The following SLC2A9 variants were observed in gnomAD, a reference collection of about 807,000 sequenced individuals.
The protein encoded by SLC2A9 is solute carrier family 2, facilitated glucose transporter member 9.
In SLC2A9, 39 loss-of-function variants were observed where a neutral mutation model predicts 50.6. The observed-to-expected ratio is 0.77, with a 90% confidence interval of 0.60 to 1.01. The LOEUF (loss-of-function observed/expected upper bound fraction) is 1.01, where lower values mean the gene tolerates loss of function less well. Ranked by LOEUF, SLC2A9 falls within the 50% of genes least tolerant of loss-of-function variation. SLC2A9 has a pLI of 0.00. For missense variants in SLC2A9, 686 were observed against 677.6 expected (o/e 1.01, Z -0.14); for synonymous variants, 324 against 276.9 (o/e 1.17, Z -1.69).
At chr4:9,869,670 C>T (rs775482449) in intron 10 of SLC2A9, among the ~76,000 whole-genome samples, 2 of 152,242 alleles carry the variant, frequency 1.3e-5, no homozygotes, top group Non-Finnish European at 2.9e-5. Context: ...GGTCTGGTGG[C>T]TGTCCTCTGC....
intron 8 of SLC2A9, among the ~76,000 whole-genome samples, chr4:9,904,826 C>G (rs575135297): frequency 6.6e-6 from 1 of 152,284 alleles, no homozygotes; most frequent in East Asian, 1.9e-4. Flanking sequence ...TAGTTTCATG[C>G]CTTTCCAGGA....
At chr4:9,847,631 C>G (rs945567289) in intron 10 of SLC2A9, among the ~76,000 whole-genome samples, 1 of 152,232 alleles carries the variant, frequency 6.6e-6, no homozygotes, top group Non-Finnish European at 1.5e-5. Context: ...AAAGCTGATT[C>G]AACTTCTGCC....
intron 3 of SLC2A9, chr4:9,783,164 T>C: frequency 6.2e-7 from 1 of 1,614,248 alleles, no homozygotes; most frequent in South Asian, 1.1e-5. Context: ...CAGCCACTTC[T>C]GCTCCCGCAC....
chr4:9,879,380 GTA>G lies in SLC2A9; in HGVS notation c.1291+8185_1291+8186del, dbSNP rs959725475. 158 of 974,478 alleles carry G rather than the reference GTA, an allele frequency of 1.6e-4. No individual in the cohort carries two copies. The African/African-American group carries it at 2.7e-3, about 17-fold the overall frequency. 60.4% of individuals were successfully genotyped at this position (974,478 alleles called of 1,614,324 possible). On this transcript the variant is annotated intron_variant, in intron 10 of 11. Transcript: ENST00000264784. ...TGTGTGTGTGTGTGTATTTATGTGT[GTA>G]TGTGTGTGTGTGTGTGTGTTTGTGC...
At chr4:9,832,188 T>C (rs1451836634) in intron 11 of SLC2A9, among the ~76,000 whole-genome samples, 2 of 152,162 alleles carry the variant, frequency 1.3e-5, no homozygotes, top group Non-Finnish European at 2.9e-5. Context: ...GGTTCACGTA[T>C]GGCATCTAGA....
At chr4:9,781,423 C>A (rs575697876) in intron 3 of SLC2A9, among the ~76,000 whole-genome samples, 15 of 152,354 alleles carry the variant, frequency 9.8e-5, no homozygotes, top group African/African-American at 3.4e-4. Flanking sequence ...GCCAAGCACC[C>A]TTCGGTTTTC....
At chr4:9,971,230 A>G (rs1753870430) in intron 5 of SLC2A9, among the ~76,000 whole-genome samples, 1 of 152,172 alleles carries the variant, frequency 6.6e-6, no homozygotes, top group Non-Finnish European at 1.5e-5. Flanking sequence ...TCATTTAATT[A>G]ATTTAATTTA....
chr4:9,857,207 G>C (rs540660092), intron 10 of SLC2A9, among the ~76,000 whole-genome samples: 1 of 152,172 alleles, frequency 6.6e-6, no homozygotes. Context: ...CAGAACCTGG[G>C]TTCCCACTCA....
chr4:9,966,656 TAAAC>T lies in SLC2A9; in HGVS notation c.681+13932_681+13935del, dbSNP rs987701740. Among the ~76,000 whole-genome samples, 22 of 151,938 alleles carry T rather than the reference TAAAC, an allele frequency of 1.4e-4. No homozygotes were observed. In the East Asian group the frequency reaches 2.3e-3, roughly 16 times the overall value. On this transcript the variant is annotated intron_variant, in intron 5 of 11. Coordinates refer to ENST00000264784, the MANE Select transcript of SLC2A9 (RefSeq NM_020041.3). ...GATGGAGTAAGACTGTGTCGCTAAA[TAAAC>T]AAACAAACACTGGAAACAATCCAAA...
At chr4:10,029,587 A>ATAT (rs1158233149) in intron 1 of SLC2A9, among the ~76,000 whole-genome samples, 29 of 133,870 alleles carry the variant, frequency 2.2e-4, no homozygotes, top group East Asian at 1.2e-3. Context: ...TTTTTATTTT[A>ATAT]TTTTATATTA....
Position 9,788,400 on chromosome 4 carries a change from A to G in SLC2A9, n.386-8335T>C, listed in dbSNP as rs140511119. Among the ~76,000 whole-genome samples, 1,016 of 138,860 alleles carry G rather than the reference A, an allele frequency of 7.3e-3. 10 individuals are homozygous for G. Among genetic ancestry groups the G allele is most frequent in the African/African-American group, 0.026 (954 of 36,960 alleles). 91.1% of individuals were successfully genotyped at this position (138,860 alleles called of 152,430 possible). ...GAGACGGGGACTCCCTATGTTGCCC[A>G]GGCTGGTCTCAAGCTCCTGGGCTCA... On this transcript the variant is annotated intron_variant and non_coding_transcript_variant, in intron 3 of 3. Coordinates refer to the SLC2A9 transcript ENST00000503803.
chr4:10,020,709 C>T (rs1763399814), intron 1 of SLC2A9, among the ~76,000 whole-genome samples: 1 of 152,202 alleles, frequency 6.6e-6, no homozygotes, highest in Non-Finnish European at 1.5e-5. Context: ...GTGCTCTGTG[C>T]CTTCTTTGCT....
At chr4:10,030,569 G>C (rs1210889754) in intron 1 of SLC2A9, among the ~76,000 whole-genome samples, 1 of 152,090 alleles carries the variant, frequency 6.6e-6, no homozygotes, top group Non-Finnish European at 1.5e-5. Flanking sequence ...GGCCATTCAA[G>C]TGTGTGGGTG....
chr4:9,807,841 G>GCC (rs1722325478), intron 3 of SLC2A9, among the ~76,000 whole-genome samples: 1 of 152,180 alleles, frequency 6.6e-6, no homozygotes, highest in Non-Finnish European at 1.5e-5. Flanking sequence ...CGTGTTTCTT[G>GCC]TGACTCTCAG....
downstream of SLC2A9, among the ~76,000 whole-genome samples, chr4:9,778,053 T>TTTCCTTCCTTCCTTCCTTCCTTCCTTCC (rs1163039690): frequency 7.1e-5 from 1 of 14,052 alleles, no homozygotes; most frequent in African/African-American, 2.1e-4. Context: ...TCTTTCTTTC[T>TTTCCTTCCTTCCTTCCTTCCTTCCTTCC]TTCCTTCCTT....
chr4:9,925,723 A>G (rs935432222), intron 6 of SLC2A9, among the ~76,000 whole-genome samples: 2 of 152,168 alleles, frequency 1.3e-5, no homozygotes, highest in Non-Finnish European at 2.9e-5. Flanking sequence ...TGTGTTTTGA[A>G]TGAAATAGTA....
At chr4:9,831,040 T>G (rs1186042697) in intron 11 of SLC2A9, among the ~76,000 whole-genome samples, 2 of 152,202 alleles carry the variant, frequency 1.3e-5, no homozygotes, top group African/African-American at 4.8e-5. Context: ...GCGTGATTCG[T>G]GCCGTTGTCT....
At chr4:9,817,683 T>C (rs571164324) in intron 3 of SLC2A9, among the ~76,000 whole-genome samples, 1 of 152,334 alleles carries the variant, frequency 6.6e-6, no homozygotes, top group East Asian at 1.9e-4. Context: ...TGGGACTTCA[T>C]TATAAGGGAA....
At chr4:9,878,291 G>A (rs1198807676) in intron 10 of SLC2A9, among the ~76,000 whole-genome samples, 1 of 152,100 alleles carries the variant, frequency 6.6e-6, no homozygotes, top group Non-Finnish European at 1.5e-5. Flanking sequence ...GGTGACTCAG[G>A]TGGGTCATTA....
Sources: allele counts gnomAD v4.1 joint callset (sites outside exome capture counted in the v4.1 genomes callset), GRCh38; gene constraint gnomAD v4.1.1; transcripts MANE v1.5; gene names NCBI Gene and HGNC (gene_info 2026-07-23, HGNC 2026-07-21).